The following CSMD1 variants were observed in gnomAD, a reference collection of about 807,000 sequenced individuals.
The protein encoded by CSMD1 is CUB and Sushi multiple domains 1.
A neutral mutation model predicts 417.5 loss-of-function variants in CSMD1; 213 were observed. The observed-to-expected ratio is 0.51, with a 90% CI of 0.46 to 0.57. The LOEUF (loss-of-function observed/expected upper bound fraction) is 0.57, where lower values mean the gene tolerates loss of function less well. Ranked by LOEUF, CSMD1 falls within the 20% of genes least tolerant of loss-of-function variation. The pLI is 0.00. For missense variants in CSMD1, 6,923 were observed against 4,529.7 expected (o/e 1.53, Z -15.17); for synonymous variants, 2,862 against 1,736.8 (o/e 1.65, Z -16.11).
chr8:3,644,806 A>T (rs888897146), intron 7 of CSMD1, among the ~76,000 whole-genome samples: 1 of 151,874 alleles, frequency 6.6e-6, no homozygotes, highest in Non-Finnish European at 1.5e-5. Flanking sequence ...CAGCATTTCC[A>T]CTTAACATCC....
chr8:4,587,420 CATGTATATGTGGATATATATGTATATGTA>C (rs1563312237), intron 2 of CSMD1, among the ~76,000 whole-genome samples: 2 of 108,222 alleles, frequency 1.8e-5, no homozygotes, highest in Admixed American at 8.8e-5. Flanking sequence ...TGTATATGTA[CATGTATATGTGGATATATATGTATATGTA>C]CATATATATG....
At chr8:3,646,291 G>T (rs1797567283) in intron 7 of CSMD1, among the ~76,000 whole-genome samples, 2 of 152,058 alleles carry the variant, frequency 1.3e-5, no homozygotes, top group Non-Finnish European at 2.9e-5. Flanking sequence ...AGTTGTAAAA[G>T]TATGAAATAT....
intron 1 of CSMD1, among the ~76,000 whole-genome samples, chr8:4,804,637 G>T (rs1323242604): frequency 6.6e-6 from 1 of 151,878 alleles, no homozygotes; most frequent in Non-Finnish European, 1.5e-5. Context: ...GGCAGAGAGA[G>T]ATAATATTAC....
chr8:3,967,249 C>G (rs181065178), intron 5 of CSMD1, among the ~76,000 whole-genome samples: 137 of 150,930 alleles, frequency 9.1e-4, no homozygotes, highest in Non-Finnish European at 1.5e-3. Context: ...TGATCTAATT[C>G]TTCTGCTTTT....
intron 10 of CSMD1, among the ~76,000 whole-genome samples, chr8:3,524,104 G>C (rs914621301): frequency 2.8e-5 from 4 of 140,668 alleles, no homozygotes; most frequent in Admixed American, 7.1e-5. Context: ...CACCCAGAGA[G>C]ACATATGGAC....
intron 1 of CSMD1, among the ~76,000 whole-genome samples, chr8:4,824,274 C>A (rs1452059034): frequency 6.6e-6 from 1 of 151,958 alleles, no homozygotes; most frequent in Non-Finnish European, 1.5e-5. Context: ...ACATGAAATA[C>A]ACAAGTTTTT....
At chr8:4,296,699 T>G (rs970571167) in intron 3 of CSMD1, among the ~76,000 whole-genome samples, 1 of 148,742 alleles carries the variant, frequency 6.7e-6, no homozygotes, top group African/African-American at 2.5e-5. Context: ...AATAAGGGTT[T>G]TTTTTTTTTT....
chr8:4,186,124 C>A (rs1798661684), intron 3 of CSMD1, among the ~76,000 whole-genome samples: 1 of 152,088 alleles, frequency 6.6e-6, no homozygotes, highest in South Asian at 2.1e-4. Flanking sequence ...AGGCTGTCAC[C>A]AACGATTTGG....
chr8:4,504,927 G>C (rs1403847003), intron 2 of CSMD1, among the ~76,000 whole-genome samples: 2 of 152,178 alleles, frequency 1.3e-5, no homozygotes, highest in Admixed American at 6.5e-5. Context: ...ATTGTAAACA[G>C]TGCTGCAGTA....
chr8:4,756,645 C>T (rs898340750), intron 1 of CSMD1, among the ~76,000 whole-genome samples: 1 of 152,286 alleles, frequency 6.6e-6, no homozygotes, highest in Non-Finnish European at 1.5e-5. Context: ...GGATTAACTT[C>T]GCCCTGGAGG....
intron 1 of CSMD1, among the ~76,000 whole-genome samples, chr8:4,885,691 T>C (rs1032015980): frequency 6.6e-6 from 1 of 151,462 alleles, no homozygotes; most frequent in East Asian, 1.9e-4. Flanking sequence ...CTATTTTTAA[T>C]ATTAGAGATA....
chr8:4,642,480 C>A (rs1359375467), intron 1 of CSMD1, among the ~76,000 whole-genome samples: 1 of 152,126 alleles, frequency 6.6e-6, no homozygotes, highest in Non-Finnish European at 1.5e-5. Flanking sequence ...AAAGTAGCAG[C>A]TGAGATGATT....
At chr8:4,033,656 C>G (rs1797472298) in intron 3 of CSMD1, among the ~76,000 whole-genome samples, 1 of 152,154 alleles carries the variant, frequency 6.6e-6, no homozygotes, top group African/African-American at 2.4e-5. Context: ...GCGTCATGGG[C>G]CACTGATGAC....
At chr8:3,936,584 G>C (rs980851071) in intron 5 of CSMD1, among the ~76,000 whole-genome samples, 7 of 152,102 alleles carry the variant, frequency 4.6e-5, no homozygotes, top group African/African-American at 1.7e-4. Flanking sequence ...TCTCTTTATA[G>C]CATGGTTTAC....
chr8:3,466,900 C>G (rs535384531), intron 12 of CSMD1, among the ~76,000 whole-genome samples: 39 of 152,214 alleles, frequency 2.6e-4, no homozygotes, highest in African/African-American at 8.4e-4. Flanking sequence ...CTGTTATAAT[C>G]TCTTAATTTT....
At chr8:3,420,372 A>G (rs270084) in intron 12 of CSMD1, among the ~76,000 whole-genome samples, 121,181 of 150,814 alleles carry the variant, frequency 0.8, 48,761 homozygotes, top group South Asian at 0.86. Context: ...AGGCAAGACA[A>G]TTAACTCAGG....
Position 4,551,325 on chromosome 8 carries a change from C to G in CSMD1, c.302+86017G>C, listed in dbSNP as rs955933317. On this transcript the variant is annotated intron_variant, in intron 2 of 69. Transcript: ENST00000635120. ...CCAATCTCTTGTCTTCTCATGGTCC[C>G]CCGGCTGTGAGTGCCTTTGGTGTGC... Among the ~76,000 whole-genome samples, 13 of 152,104 alleles carry G rather than the reference C, an allele frequency of 8.5e-5. No individual in the cohort carries two copies. In the Middle Eastern group the frequency reaches 9.5e-3, roughly 111 times the overall value.
chr8:4,116,724 T>C (rs1441577124), intron 3 of CSMD1, among the ~76,000 whole-genome samples: 1 of 151,902 alleles, frequency 6.6e-6, no homozygotes, highest in Non-Finnish European at 1.5e-5. Context: ...AGGGCAGGTG[T>C]TGCTAAAAGG....
At chr8:4,955,749 C>G (rs1809058465) in intron 1 of CSMD1, among the ~76,000 whole-genome samples, 1 of 129,750 alleles carries the variant, frequency 7.7e-6, no homozygotes. Context: ...AGCCACCACG[C>G]CCGGGCCCTC....
Sources: gnomAD v4.1 joint callset for allele counts (sites outside exome capture counted in the v4.1 genomes callset) on GRCh38, gnomAD v4.1.1 for gene constraint, MANE v1.5 for transcripts, NCBI Gene and HGNC (gene_info 2026-07-23, HGNC 2026-07-21) for gene names.